The following RNF220 variants were observed in gnomAD, a reference collection of about 807,000 sequenced individuals.
RNF220 encodes the protein E3 ubiquitin-protein ligase RNF220.
RNF220 carries 7 observed loss-of-function variants against 67.1 expected under a neutral mutation model. That is an observed-to-expected ratio of 0.10 (90% CI 0.06 to 0.20). The LOEUF (loss-of-function observed/expected upper bound fraction) is 0.20. Among genes scored for constraint, RNF220 ranks in the 10% least tolerant of loss-of-function variants. The pLI is 1.00. For synonymous variants in RNF220, 270 were observed against 283.2 expected (o/e 0.95, Z 0.47); for missense variants, 565 against 740.3 (o/e 0.76, Z 2.75).
chr1:44,635,654 T>C lies in RNF220; in HGVS notation c.993+66T>C, dbSNP rs780082890. 42 of 1,613,562 alleles carry C rather than the reference T, an allele frequency of 2.6e-5. 1 individual carries two copies. The South Asian group carries it at 3.5e-4, about 13-fold the overall frequency. On this transcript the variant is annotated intron_variant, in intron 7 of 14. Coordinates refer to ENST00000361799, the MANE Select transcript of RNF220 (RefSeq NM_018150.4). ...AGGAGATGAGTAGGCATGTGGAGCA[T>C]TGCCTTTCTAAGGTAGAGGGGCCAT...
intron 2 of RNF220, among the ~76,000 whole-genome samples, chr1:44,460,295 A>G (rs1038040877): frequency 6.6e-6 from 1 of 152,186 alleles, no homozygotes; most frequent in Non-Finnish European, 1.5e-5. Flanking sequence ...TGCAGGTACC[A>G]GCGCCTGGAA....
chr1:44,526,042 C>A (rs1471503455), intron 2 of RNF220, among the ~76,000 whole-genome samples: 1 of 152,142 alleles, frequency 6.6e-6, no homozygotes, highest in Admixed American at 6.6e-5. Context: ...CGACCTTGAC[C>A]CTTTGATCAA....
At chr1:44,495,913 C>T (rs1657302776) in intron 2 of RNF220, among the ~76,000 whole-genome samples, 1 of 152,290 alleles carries the variant, frequency 6.6e-6, no homozygotes, top group East Asian at 1.9e-4. Context: ...CATATGCTTA[C>T]TGGATGGATG....
chr1:44,568,821 T>TATGGG lies in RNF220; in HGVS notation c.626-45333_626-45329dup, dbSNP rs570736079. ...CTCTGTGCCCTTTTATTCTTTCATT[T>TATGGG]ATGGGATGGGATGGGGGATTCCATG... is the stretch of plus-strand genomic sequence containing the variant. On this transcript the variant is annotated intron_variant, in intron 2 of 14. Coordinates refer to ENST00000361799, the MANE Select transcript of RNF220 (RefSeq NM_018150.4). Among the ~76,000 whole-genome samples the TATGGG allele has an allele frequency of 6.6e-5, 10 of 152,296 alleles. No homozygotes were observed. The East Asian group carries it at 1.3e-3, about 21-fold the overall frequency.
chr1:44,575,968 C>T (rs993799795), intron 2 of RNF220, among the ~76,000 whole-genome samples: 11 of 152,202 alleles, frequency 7.2e-5, no homozygotes, highest in African/African-American at 9.7e-5. Context: ...ACCAGGTTGA[C>T]GAGGACATGG....
In RNF220 at chr1:44,622,709, G is replaced by A. The variant is rs201858913; in HGVS notation, c.759-33G>A. 1.2e-3 allele frequency: 1,865 copies of A among 1,608,198 alleles called. 5 individuals carry two copies. Among genetic ancestry groups the A allele is most frequent in the Non-Finnish European group, 1.5e-3 (1,707 of 1,174,884 alleles). On this transcript the variant is annotated intron_variant, in intron 3 of 14. Transcript: ENST00000361799. The surrounding 1 kb of genome is among the most constrained non-coding windows in gnomAD (Gnocchi z 4.3). ...CGTTGCATGCCCTGGGCAGCAGGTA[G>A]AATGGTTACCCTGTTCTCTTCTTTC...
At chr1:44,582,512 G>T (rs191879602) in intron 2 of RNF220, among the ~76,000 whole-genome samples, 11 of 151,950 alleles carry the variant, frequency 7.2e-5, no homozygotes, top group Admixed American at 2.6e-4. Flanking sequence ...ATCCCAGCAC[G>T]TTGGGAGGCC....
chr1:44,485,490 G>A lies in RNF220; in HGVS notation c.625+72768G>A, dbSNP rs181490220. ...ATCATTTTGAATCAAGAGAGGCACC[G>A]AAATCACTGTAGTAAAATCTTCGAG... On this transcript the variant is annotated intron_variant, in intron 2 of 14. Coordinates refer to ENST00000361799, the MANE Select transcript of RNF220 (RefSeq NM_018150.4). Among the ~76,000 whole-genome samples the A allele has an allele frequency of 4.1e-4, 62 of 152,224 alleles. 1 individual carries two copies. Among genetic ancestry groups the A allele is most frequent in the Admixed American group, 8.5e-4 (13 of 15,280 alleles).
chr1:44,620,307 C>T (rs548187029), intron 3 of RNF220, among the ~76,000 whole-genome samples: 18 of 152,356 alleles, frequency 1.2e-4, no homozygotes, highest in South Asian at 8.3e-4. Context: ...TTAAGGCCTG[C>T]GCCTGTCACA....
chr1:44,581,430 C>T (rs1051730110), intron 2 of RNF220, among the ~76,000 whole-genome samples: 40 of 152,142 alleles, frequency 2.6e-4, no homozygotes, highest in African/African-American at 8.9e-4. Context: ...CCCAGGGTGC[C>T]GGCCAGGGAA....
chr1:44,483,140 A>G (rs1655985866), intron 2 of RNF220, among the ~76,000 whole-genome samples: 2 of 152,030 alleles, frequency 1.3e-5, no homozygotes, highest in South Asian at 4.2e-4. Flanking sequence ...TTTGTTGCCC[A>G]GGCTGGTCTC....
intron 2 of RNF220, chr1:44,545,347 T>C (rs1293800700): frequency 6.5e-6 from 1 of 154,200 alleles, no homozygotes; most frequent in Non-Finnish European, 1.5e-5. Context: ...AGAAAGCTAC[T>C]GTGTATTTCA....
intron 2 of RNF220, among the ~76,000 whole-genome samples, chr1:44,514,272 G>A (rs1233180563): frequency 1.3e-5 from 2 of 152,172 alleles, no homozygotes; most frequent in Admixed American, 1.3e-4. Flanking sequence ...CTAAAATAAT[G>A]GAATTATGGA....
chr1:44,493,581 G>A (rs183844964), intron 2 of RNF220, among the ~76,000 whole-genome samples: 4 of 152,180 alleles, frequency 2.6e-5, no homozygotes, highest in African/African-American at 4.8e-5. Flanking sequence ...CTATCCCCAA[G>A]ATATCTCATT....
intron 2 of RNF220, among the ~76,000 whole-genome samples, chr1:44,548,772 G>A (rs1052446860): frequency 6.6e-6 from 1 of 152,154 alleles, no homozygotes; most frequent in Non-Finnish European, 1.5e-5. Context: ...GATTACAGGC[G>A]TGAGCCACTG....
At chr1:44,584,353 T>G (rs1665539358) in intron 2 of RNF220, among the ~76,000 whole-genome samples, 1 of 152,242 alleles carries the variant, frequency 6.6e-6, no homozygotes, top group South Asian at 2.1e-4. Context: ...CAGAGCGTGG[T>G]TCATTCCTCT....
intron 2 of RNF220, among the ~76,000 whole-genome samples, chr1:44,526,924 T>C (rs1199710556): frequency 1.3e-5 from 2 of 152,098 alleles, no homozygotes; most frequent in Non-Finnish European, 2.9e-5. Flanking sequence ...CTCTGACTCA[T>C]CTCTTTGGAT....
chr1:44,568,777 G>A (rs1664220713), intron 2 of RNF220, among the ~76,000 whole-genome samples: 1 of 152,188 alleles, frequency 6.6e-6, no homozygotes, highest in African/African-American at 2.4e-5. Flanking sequence ...AACATGTTGT[G>A]TAGCTTAGAA....
chr1:44,426,497 C>T (rs1359656509), intron 2 of RNF220, among the ~76,000 whole-genome samples: 1 of 152,110 alleles, frequency 6.6e-6, no homozygotes, highest in Non-Finnish European at 1.5e-5. Flanking sequence ...GAGGCTGACG[C>T]AGGAGGATCA....
Sources: gnomAD v4.1 joint callset for allele counts (sites outside exome capture counted in the v4.1 genomes callset) on GRCh38, gnomAD v4.1.1 for gene constraint, Gnocchi (gnomAD v3.1) non-coding constraint, MANE v1.5 for transcripts, NCBI Gene and HGNC (gene_info 2026-07-23, HGNC 2026-07-21) for gene names.